VAC14: variants seen among roughly 807,000 people sequenced by gnomAD.
VAC14 encodes VAC14 component of PIKFYVE complex, also known as protein VAC14 homolog.
Under a neutral mutation model 85.3 loss-of-function variants are expected in VAC14, and 47 were observed. That is an observed-to-expected ratio of 0.55 (90% CI 0.44 to 0.70). The LOEUF (loss-of-function observed/expected upper bound fraction) is 0.70, where lower values mean the gene tolerates loss of function less well. Among genes scored for constraint, VAC14 ranks in the 30% least tolerant of loss-of-function variants. The pLI, the probability that VAC14 is intolerant of heterozygous loss-of-function variation, is 0.00. For missense variants in VAC14, 861 were observed against 1,004.3 expected (o/e 0.86, Z 1.93); for synonymous variants, 447 against 430.5 (o/e 1.04, Z -0.47).
At position 70,786,374 on chromosome 16, in the gene VAC14, AG is replaced by A; in HGVS notation, c.105-10del. ...CGAACTCCCGGACCAGCCTGGAGAG[AG>A]AGGAGAGAGGGGCTGTGGGAATCAG... On this transcript the variant is annotated splice_polypyrimidine_tract_variant and intron_variant, in intron 1 of 18. Coordinates refer to ENST00000261776, the MANE Select transcript of VAC14 (RefSeq NM_018052.5). The A allele has an allele frequency of 6.2e-7, 1 of 1,612,128 alleles. No individual in the cohort carries two copies. The highest frequency in any genetic ancestry group is 8.5e-7 in the Non-Finnish European group (1 of 1,178,432).
At chr16:70,773,663 G>T (rs1461357704) in intron 9 of VAC14, among the ~76,000 whole-genome samples, 1 of 152,156 alleles carries the variant, frequency 6.6e-6, no homozygotes, top group South Asian at 2.1e-4. Context: ...AATAATTTTA[G>T]ATGTACAGAA....
intron 12 of VAC14, among the ~76,000 whole-genome samples, chr16:70,760,335 G>T (rs2032225967): frequency 6.6e-6 from 1 of 152,176 alleles, no homozygotes; most frequent in Non-Finnish European, 1.5e-5. Context: ...TTCAGGAGAA[G>T]ATGGGCTTTG....
Position 70,762,504 on chromosome 16 carries a change from G to A in VAC14, c.1371+36C>T, listed in dbSNP as rs534356515. ...ACTAACAAGGGGAGGCAGGGCAGCC[G>A]ATGTTCCATAAGTACGGGTGGCGTT... On this transcript the variant is annotated intron_variant, in intron 12 of 18. Transcript: ENST00000261776. The surrounding 1 kb of genome is among the most constrained non-coding windows in gnomAD (Gnocchi z 4.1). 6.9e-6 allele frequency: 11 copies of A among 1,604,204 alleles called. No homozygotes were observed. The highest frequency in any genetic ancestry group is 2.2e-5 in the East Asian group (1 of 44,784).
rs901958845 is a variant in VAC14, at chr16:70,688,102, G to C, written c.2187-12C>G. ...CCTTTAGACTGTCTCTGGGAAGAGG[G>C]AGCAGAAATGCTCAGTGTCAGGGAT... On this transcript the variant is annotated splice_polypyrimidine_tract_variant and intron_variant, in intron 18 of 18. Transcript: ENST00000261776. 1.3e-6 allele frequency: 2 copies of C among 1,543,952 alleles called. No individual in the cohort carries two copies. Among genetic ancestry groups the C allele is most frequent in the Non-Finnish European group, 1.8e-6 (2 of 1,137,408 alleles).
intron 18 of VAC14, chr16:70,689,360 A>C: frequency 1.0e-6 from 1 of 985,342 alleles, no homozygotes; most frequent in East Asian, 1.1e-4. Flanking sequence ...TGAGGGTGGA[A>C]ATAAAGGAGG....
At chr16:70,756,472 C>T (rs1194374384) in intron 12 of VAC14, among the ~76,000 whole-genome samples, 1 of 152,204 alleles carries the variant, frequency 6.6e-6, no homozygotes, top group Non-Finnish European at 1.5e-5. Flanking sequence ...GCAAATCGCA[C>T]CTTAAAATAC....
chr16:70,748,527 A>G (rs2031105306), intron 12 of VAC14, among the ~76,000 whole-genome samples: 2 of 152,252 alleles, frequency 1.3e-5, no homozygotes, highest in Admixed American at 6.5e-5. Context: ...TCATGGACGC[A>G]GAACCACGTG....
chr16:70,747,026 A>T (rs1183898155), intron 12 of VAC14: 2 of 152,200 alleles, frequency 1.3e-5, no homozygotes, highest in Admixed American at 1.3e-4. Context: ...CATCAAACTT[A>T]TATATAAATG....
chr16:70,727,465 G>A lies in VAC14; in HGVS notation c.1661+4030C>T, dbSNP rs558120289. The stretch of plus-strand genomic sequence containing the variant: ...AGCGATCCTCCTGCCTCAGTCTACC[G>A]AGTAGCTGGGATTATAGGCATGTGC... On this transcript the variant is annotated intron_variant, in intron 14 of 18. Coordinates refer to ENST00000261776, the MANE Select transcript of VAC14 (RefSeq NM_018052.5). Among the ~76,000 whole-genome samples, 28 of 152,244 alleles carry A rather than the reference G, an allele frequency of 1.8e-4. No homozygotes were observed. In the East Asian group the frequency reaches 4.8e-3, roughly 26 times the overall value.
Position 70,784,764 on chromosome 16 carries a change from A to G in VAC14, c.486+12T>C. On this transcript the variant is annotated intron_variant, in intron 4 of 18. Transcript: ENST00000261776. ...GATTGTAGAAATAAAAGTGGGGACA[A>G]AGTACAAATACCTTTAAAAGGCGGT... 12 of 1,613,554 alleles carry G rather than the reference A, an allele frequency of 7.4e-6. No homozygotes were observed. Among genetic ancestry groups the G allele is most frequent in the Non-Finnish European group, 1.0e-5 (12 of 1,179,496 alleles).
intron 12 of VAC14, among the ~76,000 whole-genome samples, chr16:70,748,777 T>C (rs377178154): frequency 1.3e-5 from 2 of 152,132 alleles, no homozygotes; most frequent in African/African-American, 4.8e-5. Context: ...TGAAACCCCC[T>C]CTCTCCTAAA....
Position 70,734,798 on chromosome 16 carries a change from A to C in VAC14, c.1529-3171T>G, listed in dbSNP as rs143302790. Among the ~76,000 whole-genome samples, 113 of 148,138 alleles carry C rather than the reference A, an allele frequency of 7.6e-4. No homozygotes were observed. In the East Asian group the frequency reaches 0.018, roughly 24 times the overall value. On this transcript the variant is annotated intron_variant, in intron 13 of 18. Transcript: ENST00000261776. The stretch of plus-strand genomic sequence containing the variant: ...TAAAAACCAACCAACAAAGAAACAA[A>C]AAAAAAAAACACTTGAAAAATATGC...
At chr16:70,740,770 C>T (rs76005315) in intron 13 of VAC14, among the ~76,000 whole-genome samples, 48 of 152,340 alleles carry the variant, frequency 3.2e-4, no homozygotes, top group Admixed American at 1.1e-3. Context: ...CCCGATTCTG[C>T]GGCTCTGCAC....
chr16:70,766,156 G>GA (rs60494478), intron 10 of VAC14, among the ~76,000 whole-genome samples: 7,608 of 94,518 alleles, frequency 0.08, 699 homozygotes, highest in African/African-American at 0.21. Flanking sequence ...TGTCCCAAAA[G>GA]AAAAAAAAAA....
At chr16:70,691,225 T>A (rs1206814636) in intron 18 of VAC14, 1 of 985,276 alleles carries the variant, frequency 1.0e-6, no homozygotes, top group East Asian at 1.1e-4. Flanking sequence ...GACGAGGAGA[T>A]CAGCACTCGG....
intron 1 of VAC14, among the ~76,000 whole-genome samples, chr16:70,791,273 G>A (rs977547853): frequency 4.6e-5 from 7 of 152,326 alleles, no homozygotes; most frequent in East Asian, 1.9e-4. Context: ...ATGATCCCAC[G>A]AAGTGAGCGC....
intron 12 of VAC14, among the ~76,000 whole-genome samples, chr16:70,751,985 A>G (rs991606824): frequency 6.6e-6 from 1 of 152,242 alleles, no homozygotes; most frequent in African/African-American, 2.4e-5. Context: ...GGTGGTGGGA[A>G]AGGAGCACTA....
rs12917867 is a variant in VAC14, at chr16:70,761,109, G to T, written c.1371+1431C>A. 12 of 444,180 alleles carry T rather than the reference G, an allele frequency of 2.7e-5. No individual in the cohort carries two copies. In the Middle Eastern group the frequency reaches 1.3e-3, roughly 49 times the overall value. 27.5% of individuals were successfully genotyped at this position (444,180 alleles called of 1,614,324 possible). ...TTTTCTGGTAATACAGAAAACCTCAGAGGACCTAGAGGTTGATACCTGCCT... is the reference window on the plus strand; with the variant it reads ...TTTTCTGGTAATACAGAAAACCTCATAGGACCTAGAGGTTGATACCTGCCT... On this transcript the variant is annotated intron_variant, in intron 12 of 18. Transcript: ENST00000261776.
At chr16:70,735,012 G>T (rs549645887) in intron 13 of VAC14, among the ~76,000 whole-genome samples, 1 of 152,258 alleles carries the variant, frequency 6.6e-6, no homozygotes, top group South Asian at 2.1e-4. Context: ...GGGGCTCACA[G>T]ATTAGGAGGT....
Sources: allele counts gnomAD v4.1 joint callset (sites outside exome capture counted in the v4.1 genomes callset), GRCh38; gene constraint gnomAD v4.1.1; non-coding constraint Gnocchi (gnomAD v3.1); transcripts MANE v1.5; gene names NCBI Gene and HGNC (gene_info 2026-07-23, HGNC 2026-07-21).